CACNB2: variants seen among roughly 807,000 people sequenced by gnomAD.
The protein encoded by CACNB2 is voltage-dependent L-type calcium channel subunit beta-2.
CACNB2 carries 42 observed loss-of-function variants against 73.3 expected under a neutral mutation model. The observed-to-expected ratio is 0.57, with a 90% CI of 0.45 to 0.74. The LOEUF (loss-of-function observed/expected upper bound fraction) is 0.74, where lower values mean the gene tolerates loss of function less well. CACNB2 is among the 30% of genes least tolerant of loss of function. The pLI, the probability that CACNB2 is intolerant of heterozygous loss-of-function variation, is 0.00. For missense variants in CACNB2, 940 were observed against 853.0 expected (o/e 1.10, Z -1.27); for synonymous variants, 348 against 310.3 (o/e 1.12, Z -1.28).
At chr10:18,524,758 T>A (rs959077240) in intron 9 of CACNB2, among the ~76,000 whole-genome samples, 8 of 149,508 alleles carry the variant, frequency 5.4e-5, no homozygotes, top group Admixed American at 4.0e-4. Context: ...GGTGCAGCAG[T>A]TCACACCTGT....
At chr10:18,229,831 A>G (rs1237221391) in intron 2 of CACNB2, among the ~76,000 whole-genome samples, 6 of 152,208 alleles carry the variant, frequency 3.9e-5, no homozygotes, top group Admixed American at 1.3e-4. Flanking sequence ...ATGTAGTTAA[A>G]TAGATTCAAA....
intron 2 of CACNB2, among the ~76,000 whole-genome samples, chr10:18,322,546 A>G (rs2040433382): frequency 1.3e-5 from 2 of 152,224 alleles, no homozygotes. Context: ...CCGATTAGAA[A>G]CAAAGATCTG....
At chr10:18,407,898 T>C (rs191669124) in intron 3 of CACNB2, among the ~76,000 whole-genome samples, 15 of 152,292 alleles carry the variant, frequency 9.8e-5, no homozygotes, top group African/African-American at 3.4e-4. Flanking sequence ...AAGTTACCTG[T>C]GCTGTCACTG....
At chr10:18,150,731 C>T (rs1466058603) in intron 1 of CACNB2, 152 bp from the exon 2 acceptor site, 5 of 590,104 alleles carry the variant, frequency 8.5e-6, no homozygotes, top group Non-Finnish European at 5.9e-6. Context: ...TTGTAGAGTC[C>T]CACCAGTATT....
rs555719452 is a variant in CACNB2 at position 18,238,315 on chromosome 10, T to G, written c.213+87340T>G. The G allele has an allele frequency of 2.0e-5, 3 of 152,318 alleles. No individual in the cohort carries two copies. In the East Asian group the frequency reaches 5.8e-4, roughly 29 times the overall value. The allele number at this position is 152,318 out of a possible 1,614,324, so 9.4% of individuals were successfully genotyped here. On this transcript the variant is annotated intron_variant, in intron 2 of 13. Coordinates refer to ENST00000324631, the MANE Select transcript of CACNB2 (RefSeq NM_201596.3). Reference sequence around the variant, plus strand: ...TCCTCTCTTAATAAAACCAAAGCTTTTGATAGCAAGTATTCCAAGGTTGCC... The same window carrying G: ...TCCTCTCTTAATAAAACCAAAGCTTGTGATAGCAAGTATTCCAAGGTTGCC...
chr10:18,529,462 G>C (rs189871733), intron 10 of CACNB2, among the ~76,000 whole-genome samples: 38 of 152,340 alleles, frequency 2.5e-4, no homozygotes, highest in Admixed American at 1.0e-3. Context: ...GTCGAGCCAT[G>C]AACTGGCTGC....
intron 2 of CACNB2, among the ~76,000 whole-genome samples, chr10:18,168,404 G>C (rs111282314): frequency 6.6e-6 from 1 of 152,206 alleles, no homozygotes; most frequent in East Asian, 1.9e-4. Flanking sequence ...CCCCAAAATT[G>C]ATTGAGCCAG....
chr10:18,482,703 G>C (rs186600159), intron 3 of CACNB2, among the ~76,000 whole-genome samples: 5 of 151,972 alleles, frequency 3.3e-5, no homozygotes, highest in Non-Finnish European at 7.4e-5. Flanking sequence ...GTAGAGACAG[G>C]GTTTCACCAC....
chr10:18,516,048 T>C (rs562840197), intron 7 of CACNB2, among the ~76,000 whole-genome samples: 78 of 152,152 alleles, frequency 5.1e-4, no homozygotes, highest in African/African-American at 1.8e-3. Context: ...ACCTCATCTC[T>C]GCTAAAAATA....
chr10:18,276,492 T>C (rs1298508737), intron 2 of CACNB2, among the ~76,000 whole-genome samples: 3 of 152,158 alleles, frequency 2.0e-5, no homozygotes, highest in Admixed American at 1.3e-4. Flanking sequence ...AGCTGAAAGA[T>C]TACCATATGA....
At chr10:18,222,968 T>G (rs2035853459) in intron 2 of CACNB2, among the ~76,000 whole-genome samples, 1 of 152,146 alleles carries the variant, frequency 6.6e-6, no homozygotes, top group Non-Finnish European at 1.5e-5. Context: ...GAAACTTGCC[T>G]CAAAAGTAAG....
chr10:18,427,834 C>T (rs1417340771), intron 3 of CACNB2, among the ~76,000 whole-genome samples: 1 of 152,044 alleles, frequency 6.6e-6, no homozygotes, highest in East Asian at 1.9e-4. Context: ...TCAATTTTTA[C>T]TCAATAAATC....
At chr10:18,427,112 C>T (rs529769576) in intron 3 of CACNB2, among the ~76,000 whole-genome samples, 10 of 152,040 alleles carry the variant, frequency 6.6e-5, no homozygotes, top group Admixed American at 2.0e-4. Context: ...TGCGCCACCA[C>T]GCCCGGCTAA....
intron 3 of CACNB2, among the ~76,000 whole-genome samples, chr10:18,472,989 T>C (rs1309412296): frequency 6.6e-6 from 1 of 152,224 alleles, no homozygotes; most frequent in Non-Finnish European, 1.5e-5. Context: ...ATACATTCTC[T>C]CTTTCTTCCA....
chr10:18,276,011 T>C (rs1417456612), intron 2 of CACNB2, among the ~76,000 whole-genome samples: 20 of 152,224 alleles, frequency 1.3e-4, no homozygotes, highest in Non-Finnish European at 1.5e-5. Context: ...TTATTCCTTG[T>C]CTATCTTTCA....
intron 3 of CACNB2, among the ~76,000 whole-genome samples, chr10:18,471,513 C>G (rs893911179): frequency 6.6e-6 from 1 of 152,144 alleles, no homozygotes; most frequent in Non-Finnish European, 1.5e-5. Context: ...AGCTATTATC[C>G]TGCAGCCACT....
At chr10:18,372,430 G>C (rs1025961361) in intron 2 of CACNB2, among the ~76,000 whole-genome samples, 2 of 152,100 alleles carry the variant, frequency 1.3e-5, no homozygotes, top group African/African-American at 4.8e-5. Flanking sequence ...ATTTTGAGAT[G>C]GAGTTTCACT....
At chr10:18,148,620 A>T (rs935420015) in intron 1 of CACNB2, among the ~76,000 whole-genome samples, 2 of 152,214 alleles carry the variant, frequency 1.3e-5, no homozygotes, top group South Asian at 4.1e-4. Flanking sequence ...AAGAAGTTGG[A>T]TAATGAGACA....
intron 3 of CACNB2, among the ~76,000 whole-genome samples, chr10:18,405,761 CA>C (rs1169837619): frequency 1.3e-4 from 20 of 151,952 alleles, no homozygotes; most frequent in African/African-American, 4.8e-4. Flanking sequence ...AGTTTGAGAC[CA>C]GCTTGGGCAA....
Sources: allele counts gnomAD v4.1 joint callset (sites outside exome capture counted in the v4.1 genomes callset), GRCh38; gene constraint gnomAD v4.1.1; transcripts MANE v1.5; gene names NCBI Gene and HGNC (gene_info 2026-07-23, HGNC 2026-07-21).